Variants in RAB5C observed in about 807,000 individuals in gnomAD.
RAB5C encodes the protein RAB5C, member RAS oncogene family.
A neutral mutation model predicts 25.2 loss-of-function variants in RAB5C; 4 were observed. The observed-to-expected ratio is 0.16, with a 90% CI of 0.08 to 0.36. RAB5C has a LOEUF of 0.36. RAB5C is among the 10% of genes least tolerant of loss of function. The pLI, the probability that RAB5C is intolerant of heterozygous loss-of-function variation, is 1.00. For synonymous variants in RAB5C, 100 were observed against 106.4 expected, an observed-to-expected ratio of 0.94 and a Z score of 0.37; for missense variants, 199 against 283.8, an observed-to-expected ratio of 0.70 and a Z score of 2.15.
Position 42,142,900 on chromosome 17 carries a change from G to A in RAB5C, c.-89+11993C>T, listed in dbSNP as rs531130087. On this transcript the variant is annotated intron_variant, in intron 1 of 5. Coordinates refer to ENST00000346213, the MANE Select transcript of RAB5C (RefSeq NM_004583.4). The stretch of plus-strand genomic sequence containing the variant: ...AGACACTGACTGGCCCGGACCATGT[G>A]GAATCTCTTACAAGACCCAGAGTCC... 1.4e-4 allele frequency among the ~76,000 whole-genome samples: 21 copies of A among 152,264 alleles called. No individual in the cohort carries two copies. In the South Asian group the frequency reaches 4.1e-3, roughly 30 times the overall value.
intron 1 of RAB5C, among the ~76,000 whole-genome samples, chr17:42,150,041 C>T (rs1568026100): frequency 6.6e-6 from 1 of 152,004 alleles, no homozygotes; most frequent in African/African-American, 2.4e-5. Flanking sequence ...TGTGCCACCA[C>T]GCCTGACTAA....
At chr17:42,154,854 C>T (rs985438843) in intron 1 of RAB5C, 39 bp downstream of exon 1, 1 of 152,440 alleles carries the variant, frequency 6.6e-6, no homozygotes, top group Non-Finnish European at 1.5e-5. Context: ...GATGCTTCAA[C>T]GCAGGCGAGA....
At chr17:42,151,244 G>A (rs540258647) in intron 1 of RAB5C, among the ~76,000 whole-genome samples, 1 of 152,262 alleles carries the variant, frequency 6.6e-6, no homozygotes, top group East Asian at 1.9e-4. Flanking sequence ...AGACCATCCT[G>A]GCTAACACGG....
chr17:42,140,501 ATATATATATATATATTTTT>A (rs1281609949), intron 1 of RAB5C, among the ~76,000 whole-genome samples: 9 of 50,990 alleles, frequency 1.8e-4, no homozygotes, highest in South Asian at 6.4e-4. Flanking sequence ...ATATATATAT[ATATATATATATATATTTTT>A]TTTTTTTTTT....
chr17:42,145,519 C>A (rs952825562), intron 1 of RAB5C, among the ~76,000 whole-genome samples: 4 of 152,246 alleles, frequency 2.6e-5, no homozygotes, highest in Non-Finnish European at 5.9e-5. Context: ...CACAGCCAGG[C>A]GTGTTAGCTC....
chr17:42,132,554 T>A (rs1330518093), intron 1 of RAB5C, among the ~76,000 whole-genome samples: 1 of 152,128 alleles, frequency 6.6e-6, no homozygotes, highest in Non-Finnish European at 1.5e-5. Context: ...TTTTTTTTTT[T>A]AAAGAAACAA....
At chr17:42,148,941 T>G (rs1032965860) in intron 1 of RAB5C, among the ~76,000 whole-genome samples, 1 of 151,902 alleles carries the variant, frequency 6.6e-6, no homozygotes, top group African/African-American at 2.4e-5. Flanking sequence ...ATTAAAGGAG[T>G]CAACACATAG....
intron 1 of RAB5C, among the ~76,000 whole-genome samples, chr17:42,142,792 G>A (rs753648363): frequency 1.3e-5 from 2 of 152,188 alleles, no homozygotes; most frequent in South Asian, 2.1e-4. Flanking sequence ...TCAGGATCAC[G>A]GCACAAAGTG....
At chr17:42,131,933 T>A (rs986978896) in intron 1 of RAB5C, 4 of 243,152 alleles carry the variant, frequency 1.6e-5, no homozygotes, top group Non-Finnish European at 3.2e-5. Flanking sequence ...TATTAAGTAC[T>A]GAACACTGTT....
chr17:42,132,539 A>G (rs2054496328), intron 1 of RAB5C, among the ~76,000 whole-genome samples: 1 of 152,048 alleles, frequency 6.6e-6, no homozygotes, highest in African/African-American at 2.4e-5. Flanking sequence ...GATGGAAGGA[A>G]ATAATTTTTT....
chr17:42,125,970 T>C (rs1451321866), intron 5 of RAB5C, 72 bp from the exon 6 acceptor site: 9 of 1,198,304 alleles, frequency 7.5e-6, no homozygotes, highest in Non-Finnish European at 7.2e-6. Flanking sequence ...TGGAGCAGAT[T>C]CTGGCCTTTA....
chr17:42,153,893 A>AT (rs953199590), intron 1 of RAB5C, among the ~76,000 whole-genome samples: 1 of 152,242 alleles, frequency 6.6e-6, no homozygotes, highest in Non-Finnish European at 1.5e-5. Flanking sequence ...GTCCTCAGTA[A>AT]TAAGTCCAAG....
intron 1 of RAB5C, among the ~76,000 whole-genome samples, chr17:42,133,080 ACAGT>A (rs2054502455): frequency 6.6e-6 from 1 of 152,336 alleles, no homozygotes; most frequent in Non-Finnish European, 1.5e-5. Context: ...GGCTCTAGCA[ACAGT>A]CACAGTAATC....
chr17:42,143,957 T>G (rs1054517362), intron 1 of RAB5C, among the ~76,000 whole-genome samples: 1 of 151,964 alleles, frequency 6.6e-6, no homozygotes, highest in Non-Finnish European at 1.5e-5. Context: ...AGCTAACTTT[T>G]GTATTTTTAG....
intron 1 of RAB5C, among the ~76,000 whole-genome samples, chr17:42,146,636 C>T (rs901765213): frequency 6.6e-6 from 1 of 152,122 alleles, no homozygotes; most frequent in Non-Finnish European, 1.5e-5. Context: ...GTAGTCCCAG[C>T]TACTCGGGAG....
chr17:42,143,315 A>G (rs1364586497), intron 1 of RAB5C, among the ~76,000 whole-genome samples: 1 of 152,218 alleles, frequency 6.6e-6, no homozygotes, highest in Non-Finnish European at 1.5e-5. Context: ...GAGCCAGCTG[A>G]ATCTACAACT....
chr17:42,137,314 G>GAAAAAAAAAAAAAAA (rs1300048784), intron 1 of RAB5C, among the ~76,000 whole-genome samples: 1 of 98,604 alleles, frequency 1.0e-5, no homozygotes, highest in Non-Finnish European at 2.2e-5. Context: ...TCAAAAAAAA[G>GAAAAAAAAAAAAAAA]AAAAAAAAAA....
chr17:42,151,450 G>A (rs1207676871), intron 1 of RAB5C, among the ~76,000 whole-genome samples: 2 of 151,570 alleles, frequency 1.3e-5, no homozygotes, highest in African/African-American at 2.4e-5. Context: ...AAAAAAAAAA[G>A]AAGTAGAAGG....
At chr17:42,132,387 G>A (rs886078384) in intron 1 of RAB5C, among the ~76,000 whole-genome samples, 6 of 152,164 alleles carry the variant, frequency 3.9e-5, no homozygotes, top group Non-Finnish European at 5.9e-5. Flanking sequence ...ATATTTCAAA[G>A]TTATGTCATT....
Sources: allele counts gnomAD v4.1 joint callset (sites outside exome capture counted in the v4.1 genomes callset), GRCh38; gene constraint gnomAD v4.1.1; transcripts MANE v1.5; gene names NCBI Gene and HGNC (gene_info 2026-07-23, HGNC 2026-07-21).